The following HTR1F variants were observed in gnomAD, a reference collection of about 807,000 sequenced individuals.
HTR1F encodes the protein 5-hydroxytryptamine receptor 1F, also known as 5-hydroxytryptamine (serotonin) receptor 1F, G protein-coupled.
Under a neutral mutation model 24.0 loss-of-function variants are expected in HTR1F, and 17 were observed. That is an observed-to-expected ratio of 0.71 (90% CI 0.48 to 1.06). The LOEUF is 1.06. HTR1F is among the 50% of genes least tolerant of loss of function. The probability of loss-of-function intolerance (pLI) is 0.00; values close to 1 mark genes in which losing one functional copy is unlikely to be tolerated. For synonymous variants in HTR1F, 186 were observed against 156.8 expected, an observed-to-expected ratio of 1.19 and a Z score of -1.39; for missense variants, 391 against 427.8, an observed-to-expected ratio of 0.91 and a Z score of 0.76.
At chr3:87,846,332 G>C (rs1489194547) in intron 2 of HTR1F, among the ~76,000 whole-genome samples, 2 of 151,766 alleles carry the variant, frequency 1.3e-5, no homozygotes, top group Non-Finnish European at 2.9e-5. Context: ...TACTTCGGAG[G>C]CTGAGGCAGC....
At chr3:87,881,816 T>TA (rs1313094331) in intron 2 of HTR1F, among the ~76,000 whole-genome samples, 7 of 152,118 alleles carry the variant, frequency 4.6e-5, no homozygotes, top group South Asian at 2.1e-4. Flanking sequence ...ACTTCATGTC[T>TA]AAACACCAAA....
At chr3:87,954,982 G>A (rs950235553) in intron 2 of HTR1F, among the ~76,000 whole-genome samples, 7 of 151,106 alleles carry the variant, frequency 4.6e-5, no homozygotes, top group Non-Finnish European at 8.9e-5. Flanking sequence ...GAATGTTCTG[G>A]ACTGTAGCTA....
intron 2 of HTR1F, among the ~76,000 whole-genome samples, chr3:87,826,637 C>T (rs1211041260): frequency 2.0e-5 from 3 of 152,094 alleles, no homozygotes; most frequent in Non-Finnish European, 4.4e-5. Context: ...GCTTAGTGTT[C>T]CTATCCCTGC....
chr3:87,937,096 A>T (rs552548046), intron 2 of HTR1F, among the ~76,000 whole-genome samples: 1 of 151,668 alleles, frequency 6.6e-6, no homozygotes, highest in South Asian at 2.1e-4. Context: ...AAAAAAAAAA[A>T]AAAAGAGGAC....
chr3:87,946,199 G>A (rs939316791), intron 2 of HTR1F, among the ~76,000 whole-genome samples: 15 of 152,284 alleles, frequency 9.9e-5, no homozygotes, highest in Middle Eastern at 3.4e-3. Flanking sequence ...ACACCCTGCC[G>A]GATCCAGAGG....
chr3:87,926,636 T>C (rs1027836822), intron 2 of HTR1F, among the ~76,000 whole-genome samples: 2 of 152,092 alleles, frequency 1.3e-5, no homozygotes, highest in African/African-American at 4.8e-5. Context: ...GTGGGAAAAA[T>C]ACTGCCCTCA....
chr3:87,875,923 CAA>C lies in HTR1F; in HGVS notation c.-43+53816_-43+53817del, dbSNP rs35699795. Reference sequence around the variant, plus strand: ...TGGGCAGAAGAGCAAGGCTCCGTCTCAAAAAAAAAAAAAAAAAAGGGCAAGAC... The same window carrying C: ...TGGGCAGAAGAGCAAGGCTCCGTCTCAAAAAAAAAAAAAAAAGGGCAAGAC... On this transcript the variant is annotated intron_variant, in intron 2 of 2. Coordinates refer to ENST00000319595, the MANE Select transcript of HTR1F (RefSeq NM_001322209.2). 9.1e-3 allele frequency among the ~76,000 whole-genome samples: 792 copies of C among 86,710 alleles called. 9 individuals carry two copies. Among genetic ancestry groups the C allele is most frequent in the African/African-American group, 0.025 (694 of 28,262 alleles). 56.9% of individuals were successfully genotyped at this position (86,710 alleles called of 152,430 possible).
chr3:87,917,236 C>A (rs1158361860), intron 2 of HTR1F, among the ~76,000 whole-genome samples: 6 of 151,702 alleles, frequency 4.0e-5, no homozygotes, highest in Non-Finnish European at 7.4e-5. Context: ...AAGTTCATAG[C>A]CCTAAATGCC....
intron 2 of HTR1F, among the ~76,000 whole-genome samples, chr3:87,826,072 T>C (rs1704456300): frequency 6.6e-6 from 1 of 152,264 alleles, no homozygotes; most frequent in Non-Finnish European, 1.5e-5. Flanking sequence ...CACTAGAGGA[T>C]AATTTCCTTC....
At chr3:87,914,984 T>C (rs532972847) in intron 2 of HTR1F, among the ~76,000 whole-genome samples, 1 of 152,208 alleles carries the variant, frequency 6.6e-6, no homozygotes, top group South Asian at 2.1e-4. Context: ...CTGGTATCCA[T>C]GGCTGAGAGA....
chr3:87,908,687 G>A (rs572815501), intron 2 of HTR1F, among the ~76,000 whole-genome samples: 6 of 151,980 alleles, frequency 3.9e-5, no homozygotes, highest in South Asian at 4.2e-4. Flanking sequence ...CATCAGAACC[G>A]CACTTAGCAG....
At chr3:87,935,850 T>G (rs1014749932) in intron 2 of HTR1F, among the ~76,000 whole-genome samples, 1 of 150,368 alleles carries the variant, frequency 6.7e-6, no homozygotes, top group Non-Finnish European at 1.5e-5. Flanking sequence ...TTTCCCCACA[T>G]TTTTAGGATT....
chr3:87,925,254 G>A (rs1017332689), intron 2 of HTR1F, among the ~76,000 whole-genome samples: 8 of 152,108 alleles, frequency 5.3e-5, no homozygotes, highest in Non-Finnish European at 1.2e-4. Flanking sequence ...ACCAATGGTG[G>A]CAGATGCTGG....
In HTR1F at chr3:87,941,153, C is replaced by T. The variant is rs139579448; in HGVS notation, c.-42-49555C>T. On this transcript the variant is annotated intron_variant, in intron 2 of 2. Transcript: ENST00000319595. Reference sequence around the variant, plus strand: ...CTTGGGTTAGGGCCTTCTTTAGGGCCTGGAAAGCTGCTTCTTCTGCTTCAG... The same window carrying T: ...CTTGGGTTAGGGCCTTCTTTAGGGCTTGGAAAGCTGCTTCTTCTGCTTCAG... Among the ~76,000 whole-genome samples the T allele has an allele frequency of 3.4e-3, 523 of 152,280 alleles. 7 individuals carry two copies. Among genetic ancestry groups the T allele is most frequent in the Non-Finnish European group, 5.0e-3 (337 of 68,026 alleles).
chr3:87,981,307 G>A (rs1455920437), intron 2 of HTR1F, among the ~76,000 whole-genome samples: 2 of 152,182 alleles, frequency 1.3e-5, no homozygotes, highest in African/African-American at 2.4e-5. Flanking sequence ...CAATTCACCT[G>A]CCTCAGCCTC....
intron 2 of HTR1F, among the ~76,000 whole-genome samples, chr3:87,955,628 C>G (rs768253506): frequency 6.6e-6 from 1 of 151,540 alleles, no homozygotes; most frequent in African/African-American, 2.4e-5. Flanking sequence ...AAATAGTTTT[C>G]CAAAGTAGTT....
chr3:87,928,253 C>T (rs1284475502), intron 2 of HTR1F, among the ~76,000 whole-genome samples: 9 of 151,984 alleles, frequency 5.9e-5, no homozygotes, highest in South Asian at 2.1e-4. Flanking sequence ...ACCACATTGG[C>T]CAGGCTGGTC....
In HTR1F at chr3:87,846,436, C is replaced by CAAA. The variant is rs10649883; in HGVS notation, c.-43+24320_-43+24322dup. 6.1e-4 allele frequency among the ~76,000 whole-genome samples: 90 copies of CAAA among 147,360 alleles called. 1 individual carries two copies. The highest frequency in any genetic ancestry group is 2.2e-3 in the African/African-American group (88 of 40,178). On this transcript the variant is annotated intron_variant, in intron 2 of 2. Transcript: ENST00000319595. ...TGGGTGACAGAGCAAGACTCCATCT[C>CAAA]AAAAAAAAAATATATTATGAACACA...
chr3:87,913,347 A>C (rs1295083759), intron 2 of HTR1F, among the ~76,000 whole-genome samples: 1 of 152,200 alleles, frequency 6.6e-6, no homozygotes, highest in Non-Finnish European at 1.5e-5. Context: ...GCTCAACATC[A>C]CTGGTCATTA....
Sources: allele counts gnomAD v4.1 joint callset (sites outside exome capture counted in the v4.1 genomes callset), GRCh38; gene constraint gnomAD v4.1.1; transcripts MANE v1.5; gene names NCBI Gene and HGNC (gene_info 2026-07-23, HGNC 2026-07-21).